The following MEF2A variants were observed in gnomAD, a reference collection of about 807,000 sequenced individuals.
MEF2A encodes the protein myocyte-specific enhancer factor 2A.
A neutral mutation model predicts 55.8 loss-of-function variants in MEF2A; 28 were observed. That is an observed-to-expected ratio of 0.50 (90% confidence interval 0.37 to 0.69). The LOEUF is 0.69. MEF2A is among the 30% of genes least tolerant of loss of function. The pLI is 0.00. For missense variants in MEF2A, 528 were observed against 626.2 expected (o/e 0.84, Z 1.67); for synonymous variants, 239 against 227.1 (o/e 1.05, Z -0.47).
intron 8 of MEF2A, among the ~76,000 whole-genome samples, chr15:99,699,773 A>T (rs1488987188): frequency 6.6e-6 from 1 of 152,138 alleles, no homozygotes; most frequent in Non-Finnish European, 1.5e-5. Flanking sequence ...CACAAACACA[A>T]AGGGTTGAAC....
Position 99,587,087 on chromosome 15 carries a change from TG to T in MEF2A, c.-224-11339del, listed in dbSNP as rs900730248. Among the ~76,000 whole-genome samples the T allele has an allele frequency of 9.2e-5, 14 of 152,244 alleles. No individual in the cohort carries two copies. The South Asian group carries it at 1.7e-3, about 18-fold the overall frequency. Reference sequence around the variant, plus strand: ...TTTTTTTAAATTATACTTTAAGTTCTGGGGTACATGTGCAGAACGTGGTGGT... The same window carrying T: ...TTTTTTTAAATTATACTTTAAGTTCTGGGTACATGTGCAGAACGTGGTGGT... On this transcript the variant is annotated intron_variant, in intron 1 of 11. Transcript: ENST00000557942.
At chr15:99,678,495 T>G (rs1383104240) in intron 7 of MEF2A, among the ~76,000 whole-genome samples, 1 of 152,246 alleles carries the variant, frequency 6.6e-6, no homozygotes, top group Non-Finnish European at 1.5e-5. Flanking sequence ...CAGTTCCAGA[T>G]AGTTTTGCGT....
At chr15:99,665,731 C>CAAAAAAAAAAAAAAAAAAAAAAATAAA (rs2049511657) in intron 4 of MEF2A, among the ~76,000 whole-genome samples, 3 of 20,238 alleles carry the variant, frequency 1.5e-4, no homozygotes, top group Non-Finnish European at 2.0e-4. Flanking sequence ...CTTAAATTTA[C>CAAAAAAAAAAAAAAAAAAAAAAATAAA]AAAAAAAAAA....
intron 3 of MEF2A, among the ~76,000 whole-genome samples, chr15:99,639,309 T>C (rs942188146): frequency 1.3e-5 from 2 of 152,298 alleles, no homozygotes; most frequent in Admixed American, 1.3e-4. Context: ...TTTCTTTATA[T>C]TTTTTAACAG....
At chr15:99,681,686 G>A (rs991965488) in intron 7 of MEF2A, 6 of 152,154 alleles carry the variant, frequency 3.9e-5, no homozygotes, top group South Asian at 2.1e-4. Flanking sequence ...ATTTTTATTG[G>A]ACAGGATCCA....
intron 2 of MEF2A, among the ~76,000 whole-genome samples, chr15:99,617,124 C>G (rs761669056): frequency 2.0e-5 from 3 of 152,154 alleles, no homozygotes; most frequent in Non-Finnish European, 4.4e-5. Context: ...CACTGCTGTT[C>G]AGCAGTTTTT....
At chr15:99,576,137 C>CT (rs1463233595) in intron 1 of MEF2A, among the ~76,000 whole-genome samples, 15 of 152,268 alleles carry the variant, frequency 9.9e-5, no homozygotes, top group Non-Finnish European at 2.1e-4. Flanking sequence ...AGCAGGTATG[C>CT]TATTGATATT....
At chr15:99,687,512 C>T (rs1334302864) in intron 7 of MEF2A, among the ~76,000 whole-genome samples, 2 of 152,116 alleles carry the variant, frequency 1.3e-5, no homozygotes, top group Non-Finnish European at 2.9e-5. Flanking sequence ...GTGGATTATC[C>T]AGGCTTATCT....
chr15:99,591,518 A>C (rs1969284532), intron 1 of MEF2A, among the ~76,000 whole-genome samples: 1 of 152,064 alleles, frequency 6.6e-6, no homozygotes, highest in African/African-American at 2.4e-5. Flanking sequence ...CTTTGTGCTT[A>C]ATCTGCTTTA....
At chr15:99,686,048 A>G (rs2054156903) in intron 7 of MEF2A, among the ~76,000 whole-genome samples, 1 of 152,020 alleles carries the variant, frequency 6.6e-6, no homozygotes, top group Non-Finnish European at 1.5e-5. Context: ...GGCGGGTTGT[A>G]TATTTCCAGG....
chr15:99,597,396 T>C (rs1179709661), intron 1 of MEF2A, among the ~76,000 whole-genome samples: 1 of 152,118 alleles, frequency 6.6e-6, no homozygotes, highest in African/African-American at 2.4e-5. Flanking sequence ...TCCCGCCTAA[T>C]AAATTTTGGT....
chr15:99,567,004 G>C (rs1029420820), intron 1 of MEF2A, among the ~76,000 whole-genome samples: 1 of 152,238 alleles, frequency 6.6e-6, no homozygotes, highest in Non-Finnish European at 1.5e-5. Flanking sequence ...TAAAGTAAGT[G>C]AGATAGTGCA....
intron 2 of MEF2A, among the ~76,000 whole-genome samples, chr15:99,609,904 CTT>C (rs1976520912): frequency 6.6e-6 from 1 of 151,992 alleles, no homozygotes; most frequent in African/African-American, 2.4e-5. Flanking sequence ...GTTGCCTTGT[CTT>C]ATATTAAAAC....
At position 99,675,370 on chromosome 15, in the gene MEF2A, C is replaced by T. The variant is rs577415264; in HGVS notation, c.611-29C>T. 4 of 1,592,342 alleles carry T rather than the reference C, an allele frequency of 2.5e-6. No individual in the cohort carries two copies. In the Admixed American group the frequency reaches 5.0e-5, roughly 20 times the overall value. Reference sequence around the variant, plus strand: ...GAGCTAATTCATATTCATTCTCTGCCCTCTGTCTTCTCTCCGTAACGTTGT... The same window carrying T: ...GAGCTAATTCATATTCATTCTCTGCTCTCTGTCTTCTCTCCGTAACGTTGT... On this transcript the variant is annotated intron_variant, in intron 6 of 11. Transcript: ENST00000557942.
chr15:99,642,269 G>A (rs1191965776), intron 3 of MEF2A, among the ~76,000 whole-genome samples: 2 of 151,980 alleles, frequency 1.3e-5, no homozygotes, highest in East Asian at 1.9e-4. Flanking sequence ...GGTGTACATG[G>A]TATTCTTTCT....
At chr15:99,584,218 A>G (rs555342765) in intron 1 of MEF2A, among the ~76,000 whole-genome samples, 1 of 152,288 alleles carries the variant, frequency 6.6e-6, no homozygotes, top group Non-Finnish European at 1.5e-5. Flanking sequence ...AAATGTTGCT[A>G]TGCAATGACT....
chr15:99,651,505 G>C (rs1016788448), intron 4 of MEF2A, among the ~76,000 whole-genome samples: 2 of 152,124 alleles, frequency 1.3e-5, no homozygotes, highest in Non-Finnish European at 2.9e-5. Flanking sequence ...AAAATAATGA[G>C]ACATCTGAAG....
Position 99,714,817 on chromosome 15 carries a change from C to T in MEF2A, c.*2046C>T, listed in dbSNP as rs1205890600. On this transcript the variant is annotated 3_prime_UTR_variant, in exon 12 of 12. Transcript: ENST00000557942. The stretch of plus-strand genomic sequence containing the variant: ...ATTTTGTTCCCCCCCCCCCACCCCC[C>T]CCCCAAATTACGTTCCTTTTGACAT... 8.1e-6 allele frequency: 1 copy of T among 122,974 alleles called. No homozygotes were observed. The highest frequency in any genetic ancestry group is 1.7e-5 in the Non-Finnish European group (1 of 59,822). 7.6% of individuals were successfully genotyped at this position (122,974 alleles called of 1,614,324 possible).
intron 1 of MEF2A, among the ~76,000 whole-genome samples, chr15:99,570,914 G>A (rs946980028): frequency 4.6e-5 from 7 of 152,106 alleles, no homozygotes; most frequent in Non-Finnish European, 1.5e-5. Context: ...GCTGGGCGCG[G>A]TGGCTCATGC....
Sources: gnomAD v4.1 joint callset for allele counts (sites outside exome capture counted in the v4.1 genomes callset) on GRCh38, gnomAD v4.1.1 for gene constraint, MANE v1.5 for transcripts, NCBI Gene and HGNC (gene_info 2026-07-23, HGNC 2026-07-21) for gene names.